The following CRTC1 variants were observed in gnomAD, a reference collection of about 807,000 sequenced individuals.
CRTC1 encodes CREB regulated transcription coactivator 1, also known as CREB-regulated transcription coactivator 1.
A neutral mutation model predicts 66.1 loss-of-function variants in CRTC1; 18 were observed. The ratio of observed to expected loss-of-function variants is 0.27; its 90% CI spans 0.19 to 0.40. The LOEUF is 0.40. Ranked by LOEUF, CRTC1 falls within the 10% of genes least tolerant of loss-of-function variation. CRTC1 has a pLI of 1.00. For missense variants in CRTC1, 669 were observed against 887.9 expected, an observed-to-expected ratio of 0.75 and a Z score of 3.13; for synonymous variants, 416 against 398.8, an observed-to-expected ratio of 1.04 and a Z score of -0.51.
chr19:18,689,828 T>A (rs978338268), intron 1 of CRTC1, among the ~76,000 whole-genome samples: 3 of 151,444 alleles, frequency 2.0e-5, no homozygotes, highest in African/African-American at 7.3e-5. Context: ...TGGATGTATA[T>A]CTTCATTTCT....
intron 10 of CRTC1, among the ~76,000 whole-genome samples, chr19:18,770,942 G>T (rs531775597): frequency 1.3e-5 from 2 of 151,556 alleles, no homozygotes; most frequent in Non-Finnish European, 2.9e-5. Flanking sequence ...GCCTGTGTGT[G>T]TGCATTTGTG....
intron 1 of CRTC1, among the ~76,000 whole-genome samples, chr19:18,688,305 G>A (rs1261232234): frequency 1.3e-5 from 2 of 152,132 alleles, no homozygotes; most frequent in Non-Finnish European, 2.9e-5. Flanking sequence ...CACAGTCAGA[G>A]CCTTGTGGTG....
chr19:18,686,816 AG>A (rs1383848151), intron 1 of CRTC1, among the ~76,000 whole-genome samples: 2 of 151,890 alleles, frequency 1.3e-5, no homozygotes, highest in African/African-American at 2.4e-5. Context: ...TTTCTGGGGC[AG>A]GGGGTGATTC....
At chr19:18,747,171 C>G (rs2054263997) in intron 4 of CRTC1, 57 bp downstream of exon 4, 1 of 1,234,836 alleles carries the variant, frequency 8.1e-7, no homozygotes. Context: ...AAACCAAACT[C>G]TCATCATGGT....
At chr19:18,737,532 G>A (rs897430613) in intron 1 of CRTC1, among the ~76,000 whole-genome samples, 1 of 152,044 alleles carries the variant, frequency 6.6e-6, no homozygotes, top group Non-Finnish European at 1.5e-5. Context: ...GCATGTACTG[G>A]TACACCCTCA....
At chr19:18,709,256 C>G (rs1005797931) in intron 1 of CRTC1, among the ~76,000 whole-genome samples, 1 of 152,126 alleles carries the variant, frequency 6.6e-6, no homozygotes, top group African/African-American at 2.4e-5. Context: ...TGCCCGCAGC[C>G]TCCCTCACAC....
chr19:18,780,765 G>A lies in CRTC1; in HGVS notation c.*3383G>A, dbSNP rs984662478. ...GCTGGTCTCGGACTCCTGGGCTCAA[G>A]CAGTCCTCCCTCCTCGGCCTCCCAA... On this transcript the variant is annotated 3_prime_UTR_variant, in exon 14 of 14. Transcript: ENST00000321949. 14 of 218,804 alleles carry A rather than the reference G, an allele frequency of 6.4e-5. No individual in the cohort carries two copies. Among genetic ancestry groups the A allele is most frequent in the Admixed American group, 5.8e-4 (10 of 17,266 alleles). The allele number at this position is 218,804 out of a possible 1,614,324, so 13.6% of individuals were successfully genotyped here.
chr19:18,692,588 T>G (rs1427638876), intron 1 of CRTC1, among the ~76,000 whole-genome samples: 1 of 129,572 alleles, frequency 7.7e-6, no homozygotes, highest in Non-Finnish European at 1.6e-5. Flanking sequence ...GCAACAAGAG[T>G]GAAACTCTGT....
intron 10 of CRTC1, among the ~76,000 whole-genome samples, chr19:18,770,934 C>T (rs1568540718): frequency 7.0e-6 from 1 of 142,340 alleles, no homozygotes. Context: ...GGATGTGTGC[C>T]TGTGTGTGTG....
At chr19:18,687,856 T>C (rs907563267) in intron 1 of CRTC1, among the ~76,000 whole-genome samples, 6 of 150,772 alleles carry the variant, frequency 4.0e-5, no homozygotes, top group Non-Finnish European at 7.4e-5. Context: ...TTGCAGGTCT[T>C]GGGGCGGAGG....
intron 1 of CRTC1, among the ~76,000 whole-genome samples, chr19:18,738,570 G>A (rs2054047493): frequency 1.3e-5 from 2 of 152,098 alleles, no homozygotes; most frequent in South Asian, 4.1e-4. Flanking sequence ...GGGAGGCTGA[G>A]GCAGGCGGAT....
chr19:18,739,865 G>A (rs575273026), intron 1 of CRTC1, among the ~76,000 whole-genome samples: 45 of 152,294 alleles, frequency 3.0e-4, no homozygotes, highest in African/African-American at 1.0e-3. Flanking sequence ...GAGTCTCCGT[G>A]CCCACCCTCT....
intron 3 of CRTC1, among the ~76,000 whole-genome samples, chr19:18,746,745 A>C (rs1251447917): frequency 2.6e-5 from 4 of 152,082 alleles, no homozygotes; most frequent in African/African-American, 9.7e-5. Context: ...CAGCGTCCCC[A>C]CAGGCCCTAC....
chr19:18,765,558 AG>A, intron 9 of CRTC1, 30 bp downstream of exon 9: 1 of 1,580,190 alleles, frequency 6.3e-7, no homozygotes. Context: ...GGCAGGTGGG[AG>A]GGGGAAAGGG....
In CRTC1 at chr19:18,771,456, G is replaced by T; in HGVS notation, c.1335G>T (p.Gln445His). 1 of 1,613,234 alleles carries T rather than the reference G, an allele frequency of 6.2e-7. No homozygotes were observed. Among genetic ancestry groups the T allele is most frequent in the Non-Finnish European group, 8.5e-7 (1 of 1,179,610 alleles). Residue 445 changes from glutamine to histidine, a missense_variant, in exon 11 of 14, where the codon CAG becomes CAT. Gln to His is a conservative substitution (Grantham distance 24, BLOSUM62 0). This residue lies in a region of CRTC1 where 241 missense variants were observed against 242.2 expected (regional missense o/e 0.99). Coordinates refer to ENST00000321949, the MANE Select transcript of CRTC1 (RefSeq NM_015321.3). The surrounding 1 kb of genome is among the most constrained non-coding windows in gnomAD (Gnocchi z 4.6). ...GIDIASAPAL[Q>H]QYRTSAGSPA... is the part of the protein sequence containing the mutation. ...TGTCATCGCAGGCGCCGGCTCTGCA[G>T]CAGTACCGCACTAGCGCCGGCTCCC... is the stretch of plus-strand genomic sequence containing the variant.
intron 3 of CRTC1, among the ~76,000 whole-genome samples, chr19:18,746,323 C>A (rs1204430623): frequency 6.6e-6 from 1 of 152,174 alleles, no homozygotes; most frequent in Non-Finnish European, 1.5e-5. Context: ...GCTGATGAGG[C>A]CTCTCCTACG....
At chr19:18,739,329 G>T (rs2054064397) in intron 1 of CRTC1, among the ~76,000 whole-genome samples, 1 of 152,248 alleles carries the variant, frequency 6.6e-6, no homozygotes, top group South Asian at 2.1e-4. Flanking sequence ...GGCTCCAAGT[G>T]AGGGTTACAC....
intron 1 of CRTC1, among the ~76,000 whole-genome samples, chr19:18,706,797 G>A (rs2053277355): frequency 6.6e-6 from 1 of 152,054 alleles, no homozygotes; most frequent in Non-Finnish European, 1.5e-5. Context: ...ATTTGTCTTT[G>A]GAGAAATGTT....
chr19:18,723,893 G>A (rs1016667285), intron 1 of CRTC1, among the ~76,000 whole-genome samples: 1 of 152,206 alleles, frequency 6.6e-6, no homozygotes, highest in African/African-American at 2.4e-5. Flanking sequence ...ACACGCCACC[G>A]TCATCTCAGT....
Sources: gnomAD v4.1 joint callset for allele counts (sites outside exome capture counted in the v4.1 genomes callset) on GRCh38, gnomAD v4.1.1 for gene constraint, gnomAD v4.1.1 regional missense constraint, Gnocchi (gnomAD v3.1) non-coding constraint, MANE v1.5 for transcripts, NCBI Gene and HGNC (gene_info 2026-07-23, HGNC 2026-07-21) for gene names.